The following MSI1 variants were observed in gnomAD, a reference collection of about 807,000 sequenced individuals.
MSI1 encodes musashi RNA binding protein 1.
Under a neutral mutation model 54.4 loss-of-function variants are expected in MSI1, and 15 were observed. That is an observed-to-expected ratio of 0.28 (90% CI 0.18 to 0.42). The LOEUF (loss-of-function observed/expected upper bound fraction) is 0.42. MSI1 is among the 20% of genes least tolerant of loss of function. The pLI is 1.00. For synonymous variants in MSI1, 200 were observed against 196.5 expected (o/e 1.02, Z -0.15); for missense variants, 304 against 506.0 (o/e 0.60, Z 3.83).
At chr12:120,359,859 G>A (rs531016524) in intron 6 of MSI1, among the ~76,000 whole-genome samples, 2 of 151,910 alleles carry the variant, frequency 1.3e-5, no homozygotes, top group African/African-American at 2.4e-5. Context: ...CCTACTCCAG[G>A]CCCCAACCCT....
chr12:120,350,739 C>T (rs940358539), intron 11 of MSI1, among the ~76,000 whole-genome samples: 1 of 152,230 alleles, frequency 6.6e-6, no homozygotes. Context: ...CCCCCTGTCA[C>T]CTTCACCCCA....
At chr12:120,355,131 C>T (rs903965166) in intron 9 of MSI1, among the ~76,000 whole-genome samples, 4 of 150,644 alleles carry the variant, frequency 2.7e-5, no homozygotes, top group Non-Finnish European at 5.9e-5. Context: ...CAAGGCCGGG[C>T]GCGGTGGCTC....
chr12:120,368,232 C>G lies in MSI1; in HGVS notation c.142G>C (p.Glu48Gln). Residue 48 changes from glutamate to glutamine, a missense_variant, in exon 3 of 15, where the codon GAG becomes CAG. Around this residue, in one of 4 missense-constraint regions of MSI1, gnomAD observed 105 missense variants for 230.1 expected, o/e 0.46. Coordinates refer to ENST00000257552, the MANE Select transcript of MSI1 (RefSeq NM_002442.4). The surrounding 1 kb of genome is among the most constrained non-coding windows in gnomAD (Gnocchi z 6.6). ...EYFGQFGEVK[E>Q]CLVMRDPLTK... ...AGGGGGTCCCGCATCACCAGACACTCCTTCACCTCCCCGAACTGGCCGAAG... is the reference window on the plus strand; with the variant it reads ...AGGGGGTCCCGCATCACCAGACACTGCTTCACCTCCCCGAACTGGCCGAAG... The G allele has an allele frequency of 6.3e-7, 1 of 1,588,786 alleles. No individual in the cohort carries two copies. Among genetic ancestry groups the G allele is most frequent in the Non-Finnish European group, 8.6e-7 (1 of 1,166,884 alleles).
At chr12:120,345,547 C>A (rs1175389825) in intron 14 of MSI1, 23 bp downstream of exon 14, 2 of 1,610,646 alleles carry the variant, frequency 1.2e-6, no homozygotes, top group South Asian at 1.1e-5. Flanking sequence ...CACCCCACCA[C>A]CTGCCCACCC....
At position 120,368,391 on chromosome 12, in the gene MSI1, C is replaced by T. The variant is rs1876160889; in HGVS notation, c.101-118G>A. ...CCGCCCCCGCGCCAAGCTGCCCGCG[C>T]GTTCTCCACTGCCGCCGCCCCCCAC... On this transcript the variant is annotated intron_variant, in intron 2 of 14. Transcript: ENST00000257552. The surrounding 1 kb of genome is among the most constrained non-coding windows in gnomAD (Gnocchi z 6.6). 4 of 1,075,898 alleles carry T rather than the reference C, an allele frequency of 3.7e-6. No individual in the cohort carries two copies. The highest frequency in any genetic ancestry group is 5.2e-6 in the Non-Finnish European group (4 of 774,182). 66.6% of individuals were successfully genotyped at this position (1,075,898 alleles called of 1,614,324 possible). A position where few individuals can be genotyped will look rare whatever the true frequency, so the allele number is the denominator to read the frequency against.
chr12:120,341,136 T>C (rs139489563), downstream of MSI1, among the ~76,000 whole-genome samples: 388 of 152,172 alleles, frequency 2.5e-3, 2 homozygotes, highest in African/African-American at 8.7e-3. Context: ...TCTGCCCACC[T>C]CTGCCTCCCA....
chr12:120,363,195 A>AGG, intron 5 of MSI1, 60 bp from the exon 6 acceptor site: 1 of 1,447,946 alleles, frequency 6.9e-7, no homozygotes, highest in Non-Finnish European at 9.7e-7. Flanking sequence ...CGCCACCAGC[A>AGG]GGGGCTCGAG....
At chr12:120,350,123 A>C (rs1302515548) in intron 11 of MSI1, among the ~76,000 whole-genome samples, 2 of 151,854 alleles carry the variant, frequency 1.3e-5, no homozygotes, top group Non-Finnish European at 2.9e-5. Flanking sequence ...TTGGGCTCAA[A>C]CGATCCTCCC....
Position 120,368,810 on chromosome 12 carries a change from C to T in MSI1, c.100+23G>A. 1 of 1,398,862 alleles carries T rather than the reference C, an allele frequency of 7.1e-7. No individual in the cohort carries two copies. The highest frequency in any genetic ancestry group is 1.5e-5 in the South Asian group (1 of 68,348). The allele number at this position is 1,398,862 out of a possible 1,614,324, so 86.7% of individuals were successfully genotyped here. On this transcript the variant is annotated intron_variant, in intron 2 of 14. Transcript: ENST00000257552. This position sits in a 1 kb window ranked among gnomAD's most constrained non-coding sequence, Gnocchi z 6.6. ...GGTCCGGGGTGCCCTGCCGGACCGG[C>T]GGGCGCTCCCGGGCTCGCTCACCCT...
intron 6 of MSI1, among the ~76,000 whole-genome samples, chr12:120,359,636 GA>G (rs1226788623): frequency 6.6e-6 from 1 of 152,130 alleles, no homozygotes; most frequent in Non-Finnish European, 1.5e-5. Context: ...AGGAGACTGG[GA>G]AAGGGGGAGG....
At chr12:120,363,160 T>C (rs755866781) in intron 5 of MSI1, 25 bp from the exon 6 acceptor site, 26 of 1,606,214 alleles carry the variant, frequency 1.6e-5, no homozygotes, top group African/African-American at 2.7e-5. Flanking sequence ...AATGAGAAAG[T>C]GGGCATCTGA....
At position 120,364,709 on chromosome 12, in the gene MSI1, C is replaced by T. The variant is rs376030026; in HGVS notation, c.309+5G>A. On this transcript the variant is annotated splice_donor_5th_base_variant and intron_variant, in intron 5 of 14. Coordinates refer to ENST00000257552, the MANE Select transcript of MSI1 (RefSeq NM_002442.4). ...AGAGCTCCTCCCAGACATAGACACA[C>T]CTACCTTGGGCTGTGCTCGCCGAGG... 104 of 1,595,280 alleles carry T rather than the reference C, an allele frequency of 6.5e-5. No homozygotes were observed. Among genetic ancestry groups the T allele is most frequent in the Non-Finnish European group, 7.8e-5 (91 of 1,171,378 alleles).
chr12:120,355,132 G>A (rs1002275385), intron 9 of MSI1, among the ~76,000 whole-genome samples: 2 of 151,444 alleles, frequency 1.3e-5, no homozygotes, highest in Non-Finnish European at 2.9e-5. Flanking sequence ...AAGGCCGGGC[G>A]CGGTGGCTCA....
chr12:120,362,344 G>A (rs182187278), intron 6 of MSI1, among the ~76,000 whole-genome samples: 80 of 152,244 alleles, frequency 5.3e-4, no homozygotes, highest in Non-Finnish European at 8.7e-4. Context: ...GACTTCAAAC[G>A]TAGGACCCTC....
chr12:120,351,548 C>T lies in MSI1; in HGVS notation c.734-148G>A. On this transcript the variant is annotated intron_variant, in intron 10 of 14. Coordinates refer to ENST00000257552, the MANE Select transcript of MSI1 (RefSeq NM_002442.4). Reference sequence around the variant, plus strand: ...AGCTGGGGAGGGGGAGAGCACAGTTCCCAGAAGGCAGGGGAGGGCAAGGAG... The same window carrying T: ...AGCTGGGGAGGGGGAGAGCACAGTTTCCAGAAGGCAGGGGAGGGCAAGGAG... The T allele has an allele frequency of 4.5e-6, 3 of 669,434 alleles. No homozygotes were observed. In the Admixed American group the frequency reaches 8.3e-5, roughly 19 times the overall value. The allele number at this position is 669,434 out of a possible 1,614,324, so 41.5% of individuals were successfully genotyped here.
intron 10 of MSI1, 33 bp from the exon 11 acceptor site, chr12:120,351,433 G>A: frequency 6.2e-7 from 1 of 1,606,096 alleles, no homozygotes; most frequent in Non-Finnish European, 8.5e-7. Context: ...TTAGGAAGAA[G>A]CAGGGGAGGC....
intron 11 of MSI1, 71 bp downstream of exon 11, chr12:120,351,273 A>G: frequency 7.1e-7 from 1 of 1,403,868 alleles, no homozygotes; most frequent in South Asian, 1.2e-5. Context: ...AGCTTTCCCC[A>G]GGAAACTCCC....
At chr12:120,359,719 C>T (rs1447718891) in intron 6 of MSI1, among the ~76,000 whole-genome samples, 5 of 152,086 alleles carry the variant, frequency 3.3e-5, no homozygotes, top group African/African-American at 9.7e-5. Context: ...CTTGGATATA[C>T]GGTCACCAAA....
intron 4 of MSI1, among the ~76,000 whole-genome samples, chr12:120,367,131 C>CAA (rs1347679260): frequency 6.6e-6 from 1 of 152,014 alleles, no homozygotes; most frequent in African/African-American, 2.4e-5. Flanking sequence ...TTCTTGGGCA[C>CAA]AAGCAGCTAT....
Sources: gnomAD v4.1 joint callset for allele counts (sites outside exome capture counted in the v4.1 genomes callset) on GRCh38, gnomAD v4.1.1 for gene constraint, gnomAD v4.1.1 regional missense constraint, Gnocchi (gnomAD v3.1) non-coding constraint, MANE v1.5 for transcripts, NCBI Gene and HGNC (gene_info 2026-07-23, HGNC 2026-07-21) for gene names.